ATP2B3: variants seen among roughly 807,000 people sequenced by gnomAD.
ATP2B3 encodes the protein ATPase plasma membrane Ca2+ transporting 3.
ATP2B3 carries 12 observed loss-of-function variants against 70.8 expected under a neutral mutation model. That is an observed-to-expected ratio of 0.17 (90% CI 0.11 to 0.27). The LOEUF is 0.27. Among genes scored for constraint, ATP2B3 ranks in the 10% least tolerant of loss-of-function variants. ATP2B3 has a pLI of 1.00. For synonymous variants in ATP2B3, 460 were observed against 497.8 expected (o/e 0.92, Z 1.01); for missense variants, 858 against 1,118.5 (o/e 0.77, Z 3.32).
At chrX:153,546,279 C>T in intron 8 of ATP2B3, 150 bp downstream of exon 8, 1 of 706,227 alleles carries the variant, frequency 1.4e-6, no homozygotes. Flanking sequence ...AGTCCCGTCC[C>T]AGTGCAGAGG....
chrX:153,576,365 C>A (rs1015322565), intron 21 of ATP2B3, among the ~76,000 whole-genome samples: 19 of 111,554 alleles, frequency 1.7e-4, no homozygotes, highest in Non-Finnish European at 1.3e-4. Context: ...TAGGGTAGGG[C>A]CCACAGGACA....
In ATP2B3 at chrX:153,551,574, G is replaced by A. The variant is rs144913948; in HGVS notation, c.1823+1288G>A. On this transcript the variant is annotated intron_variant, in intron 12 of 21. Coordinates refer to ENST00000263519, the MANE Select transcript of ATP2B3 (RefSeq NM_001001344.3). The stretch of plus-strand genomic sequence containing the variant: ...CACAAATGTTTTAAATCGTGATGAC[G>A]TCCAGTTGATCTATTTTCTTGTTGT... 9.3e-3 allele frequency among the ~76,000 whole-genome samples: 1,038 copies of A among 111,684 alleles called. 14 individuals carry two copies. The highest frequency in any genetic ancestry group is 0.032 in the African/African-American group (969 of 30,683).
At chrX:153,575,172 C>A (rs781979801) in intron 21 of ATP2B3, among the ~76,000 whole-genome samples, 1 of 112,598 alleles carries the variant, frequency 8.9e-6, no homozygotes, top group Admixed American at 9.3e-5. Context: ...GCAAAGTGGG[C>A]AAAGAGCTAT....
chrX:153,560,597 T>C (rs2090610178), intron 18 of ATP2B3, 79 bp from the exon 19 acceptor site: 1 of 1,061,237 alleles, frequency 9.4e-7, no homozygotes, highest in Admixed American at 2.5e-5. Flanking sequence ...TCTCGGGAGC[T>C]ACACACCGAA....
Position 153,541,716 on chromosome X carries a change from G to A in ATP2B3, c.454G>A (p.Ala152Thr), listed in dbSNP as rs1557006499. The A allele has an allele frequency of 4.1e-6, 5 of 1,211,840 alleles. No individual in the cohort carries two copies. Among genetic ancestry groups the A allele is most frequent in the Non-Finnish European group, 5.6e-6 (5 of 895,586 alleles). Residue 152 changes from alanine (A) to threonine (T), a missense_variant, in exon 5 of 22, where the codon GCT becomes ACT. This residue lies in a region of ATP2B3 where 278 missense variants were observed against 366.2 expected (regional missense o/e 0.76). Coordinates refer to ENST00000263519, the MANE Select transcript of ATP2B3 (RefSeq NM_001001344.3). ...GGAEDEGEAE[A>T]GWIEGAAILL... ...CGCAGAAGATGAGGGCGAGGCCGAA[G>A]CTGGCTGGATCGAGGGGGCTGCCAT...
Position 153,558,151 on chromosome X carries a change from A to G in ATP2B3, c.2473A>G (p.Ile825Val), listed in dbSNP as rs1557014686. 8.3e-7 allele frequency: 1 copy of G among 1,211,514 alleles called. No homozygotes were observed. The highest frequency in any genetic ancestry group is 2.2e-5 in the Admixed American group (1 of 46,028). The change falls in exon 17 of 22, where the codon ATC becomes GTC. Residue 825 changes from isoleucine (I) to valine (V), a missense_variant. Ile to Val is a conservative substitution (Grantham distance 29). Coordinates refer to ENST00000263519, the MANE Select transcript of ATP2B3 (RefSeq NM_001001344.3). Reference protein sequence around the residue: ...GTDVAKEASDIILTDDNFTSI... With the variant: ...GTDVAKEASDVILTDDNFTSI... ...CGACGTGGCCAAGGAGGCCTCCGAC[A>G]TCATCCTGACCGATGACAACTTCAC... is the stretch of plus-strand genomic sequence containing the variant.
intron 6 of ATP2B3, 50 bp downstream of exon 6, chrX:153,542,498 G>C: frequency 5.0e-6 from 6 of 1,190,358 alleles, no homozygotes; most frequent in African/African-American, 1.7e-5. Flanking sequence ...GTCAGCAGCC[G>C]TGTGGCCCAG....
At chrX:153,531,956 G>A (rs1401609852) in intron 2 of ATP2B3, among the ~76,000 whole-genome samples, 2 of 112,030 alleles carry the variant, frequency 1.8e-5, no homozygotes, top group Admixed American at 9.4e-5. Flanking sequence ...GCAGGTGGCC[G>A]AGTGGAATGC....
chrX:153,533,186 A>C (rs2090142814), intron 2 of ATP2B3: 1 of 111,259 alleles, frequency 9.0e-6, no homozygotes, highest in Non-Finnish European at 1.9e-5. Context: ...ACTCCATACC[A>C]CGTGTCTCAA....
chrX:153,537,442 C>T (rs1050484168), intron 3 of ATP2B3, among the ~76,000 whole-genome samples: 3 of 113,684 alleles, frequency 2.6e-5, no homozygotes, highest in African/African-American at 9.5e-5. Context: ...TCCCGCTCTG[C>T]CCTCACCCTC....
chrX:153,582,329 C>T lies in ATP2B3; in HGVS notation c.*2031C>T, dbSNP rs2090929194. On this transcript the variant is annotated 3_prime_UTR_variant, in exon 22 of 22. Coordinates refer to ENST00000263519, the MANE Select transcript of ATP2B3 (RefSeq NM_001001344.3). ...TAAAGGGCACATTGAGAATGTCACC[C>T]ATTTGTAAACTGTTCCCTGATGTCC... 1 of 112,815 alleles carries T rather than the reference C, an allele frequency of 8.9e-6. No individual in the cohort carries two copies. Among genetic ancestry groups the T allele is most frequent in the Non-Finnish European group, 1.9e-5 (1 of 53,268 alleles). 9.3% of individuals were successfully genotyped at this position (112,815 alleles called of 1,213,427 possible).
rs2090614953 is a variant in ATP2B3, at chrX:153,560,868, T to C, written c.3032T>C (p.Leu1011Ser). The C allele has an allele frequency of 8.3e-7, 1 of 1,210,104 alleles. No individual in the cohort carries two copies. The highest frequency in any genetic ancestry group is 1.7e-5 in the African/African-American group (1 of 57,213). The change falls in exon 19 of 22, where the codon TTG becomes TCG. Residue 1011 changes from leucine (L) to serine (S), a missense_variant. Physicochemically the swap from Leu to Ser is moderately radical, Grantham distance 145 (BLOSUM62 -2). This residue lies in a region of ATP2B3 where 265 missense variants were observed against 305.3 expected (regional missense o/e 0.87). Transcript: ENST00000263519. ...AACCCCATCTTCTGCACCATCGTTT[T>C]GGGCACTTTCGGGATTCAGGTAGGA... Reference protein sequence around the residue: ...FSNPIFCTIVLGTFGIQIVIV... With the variant: ...FSNPIFCTIVSGTFGIQIVIV...
chrX:153,571,942 G>C (rs1557020065), intron 21 of ATP2B3, among the ~76,000 whole-genome samples: 1 of 112,607 alleles, frequency 8.9e-6, no homozygotes, highest in Non-Finnish European at 1.9e-5. Flanking sequence ...ACTTCTGGAA[G>C]CCACCTGCCA....
intron 21 of ATP2B3, among the ~76,000 whole-genome samples, chrX:153,566,864 C>T (rs1258875741): frequency 8.9e-6 from 1 of 111,946 alleles, no homozygotes; most frequent in Admixed American, 9.4e-5. Flanking sequence ...ACTCTCACCA[C>T]GGGCTCCTTG....
intron 21 of ATP2B3, among the ~76,000 whole-genome samples, chrX:153,570,798 G>C (rs2090774830): frequency 9.0e-6 from 1 of 111,099 alleles, no homozygotes; most frequent in East Asian, 2.8e-4. Context: ...GCAGGTGGGA[G>C]TCCTTAACCA....
intron 3 of ATP2B3, among the ~76,000 whole-genome samples, chrX:153,537,067 G>A (rs782033641): frequency 8.9e-6 from 1 of 112,936 alleles, no homozygotes; most frequent in South Asian, 3.6e-4. Flanking sequence ...GGTAGTGTCG[G>A]TCTCACTGCT....
intron 21 of ATP2B3, among the ~76,000 whole-genome samples, chrX:153,573,481 A>G (rs1420269790): frequency 3.5e-5 from 4 of 112,800 alleles, no homozygotes; most frequent in African/African-American, 1.3e-4. Context: ...CCCTGCCTCC[A>G]TGCTGGAAGC....
At chrX:153,563,906 A>T (rs1309590571) in intron 20 of ATP2B3, among the ~76,000 whole-genome samples, 1 of 113,018 alleles carries the variant, frequency 8.8e-6, no homozygotes, top group Non-Finnish European at 1.9e-5. Flanking sequence ...ATGTTCGACA[A>T]ATACACTGGC....
chrX:153,550,765 T>G (rs2090445724), intron 12 of ATP2B3, among the ~76,000 whole-genome samples: 1 of 111,714 alleles, frequency 9.0e-6, no homozygotes, highest in African/African-American at 3.3e-5. Flanking sequence ...CCCAGCGAAT[T>G]TTCAAATTTT....
Sources: gnomAD v4.1 joint callset for allele counts (sites outside exome capture counted in the v4.1 genomes callset) on GRCh38, gnomAD v4.1.1 for gene constraint, gnomAD v4.1.1 regional missense constraint, MANE v1.5 for transcripts, NCBI Gene and HGNC (gene_info 2026-07-23, HGNC 2026-07-21) for gene names.